Variants in WDPCP observed in about 807,000 individuals in gnomAD.
The protein encoded by WDPCP is WD repeat containing planar cell polarity effector.
In WDPCP, 71 loss-of-function variants were observed where a neutral mutation model predicts 93.1. That is an observed-to-expected ratio of 0.76 (90% confidence interval 0.63 to 0.93). The LOEUF is 0.93. WDPCP is among the 40% of genes least tolerant of loss of function. The probability of loss-of-function intolerance (pLI) is 0.00; values close to 1 mark genes in which losing one functional copy is unlikely to be tolerated. For missense variants in WDPCP, 844 were observed against 887.4 expected (o/e 0.95, Z 0.62); for synonymous variants, 315 against 315.0 (o/e 1.00, Z 0.00).
chr2:63,334,046 A>C (rs967595935), intron 12 of WDPCP, among the ~76,000 whole-genome samples: 3 of 152,188 alleles, frequency 2.0e-5, no homozygotes, highest in Non-Finnish European at 4.4e-5. Context: ...TTTTGAGAAA[A>C]CAAAAAACAC....
rs1669516714 is a variant in WDPCP at position 63,728,194 on chromosome 2, A to G, written n.309-77356T>C. ...AGTTAGAGGAAGATTGTTTAATACA[A>G]GCAGTAGCATTATATTTTTTGGAAA... On this transcript the variant is annotated intron_variant and non_coding_transcript_variant, in intron 2 of 4. Coordinates refer to the WDPCP transcript ENST00000467687. 2.0e-5 allele frequency among the ~76,000 whole-genome samples: 3 copies of G among 152,362 alleles called. No individual in the cohort carries two copies. The South Asian group carries it at 6.2e-4, about 32-fold the overall frequency.
At chr2:63,639,905 G>T (rs1379510310) in intron 3 of WDPCP, among the ~76,000 whole-genome samples, 5 of 152,212 alleles carry the variant, frequency 3.3e-5, no homozygotes, top group Admixed American at 2.6e-4. Context: ...AAACAATACT[G>T]CAGTTTATTG....
At chr2:63,493,135 C>T (rs1364449083) in intron 1 of WDPCP, among the ~76,000 whole-genome samples, 195 bp from the exon 2 acceptor site, 1 of 152,102 alleles carries the variant, frequency 6.6e-6, no homozygotes, top group Non-Finnish European at 1.5e-5. Context: ...GAAAAATACA[C>T]TTCTTTTCCT....
At chr2:63,174,428 T>A (rs555881203) in intron 15 of WDPCP, among the ~76,000 whole-genome samples, 17 of 152,160 alleles carry the variant, frequency 1.1e-4, no homozygotes, top group Non-Finnish European at 2.2e-4. Context: ...CAATTCAATA[T>A]GTTATAGTAA....
chr2:63,535,763 A>C (rs1313520234), intron 1 of WDPCP, among the ~76,000 whole-genome samples: 1 of 152,224 alleles, frequency 6.6e-6, no homozygotes, highest in African/African-American at 2.4e-5. Flanking sequence ...AAAGCCCTAG[A>C]AGAAAACCTA....
At chr2:63,504,065 TAACTGCTG>T (rs1701717988) in intron 1 of WDPCP, among the ~76,000 whole-genome samples, 1 of 152,090 alleles carries the variant, frequency 6.6e-6, no homozygotes, top group Admixed American at 6.6e-5. Context: ...CAAACTCTAG[TAACTGCTG>T]AAAGAAATGG....
upstream of WDPCP, chr2:63,588,883 A>G (rs995836767): frequency 4.5e-6 from 4 of 891,448 alleles, no homozygotes; most frequent in South Asian, 2.9e-5. Context: ...CGCCACAACC[A>G]GGGCAGCGTA....
intron 3 of WDPCP, chr2:63,643,618 T>C: frequency 2.2e-6 from 1 of 446,538 alleles, no homozygotes; most frequent in Admixed American, 2.7e-5. Flanking sequence ...AGTGTGAACA[T>C]CATGAATCAC....
chr2:63,809,770 A>G (rs1367157346), intron 2 of WDPCP, among the ~76,000 whole-genome samples: 1 of 152,092 alleles, frequency 6.6e-6, no homozygotes, highest in African/African-American at 2.4e-5. Context: ...GGACACAAAC[A>G]CTGCGGAAGG....
chr2:63,754,061 C>T (rs1669921186), intron 2 of WDPCP, among the ~76,000 whole-genome samples: 1 of 152,222 alleles, frequency 6.6e-6, no homozygotes, highest in Non-Finnish European at 1.5e-5. Flanking sequence ...CTGGCCCAAA[C>T]CACAGAAGGG....
chr2:63,691,875 TGTG>T (rs1447750723), intron 2 of WDPCP, among the ~76,000 whole-genome samples: 9 of 52,312 alleles, frequency 1.7e-4, no homozygotes, highest in Non-Finnish European at 2.8e-4. Context: ...TACTACAAAG[TGTG>T]TGTGTGTGTG....
intron 14 of WDPCP, among the ~76,000 whole-genome samples, chr2:63,210,930 G>T (rs1307324468): frequency 6.6e-6 from 1 of 152,226 alleles, no homozygotes; most frequent in Non-Finnish European, 1.5e-5. Flanking sequence ...CATTGCTGAG[G>T]CTTGACTAGG....
intron 3 of WDPCP, chr2:63,622,740 C>G (rs1709759771): frequency 1.9e-5 from 30 of 1,613,228 alleles, no homozygotes; most frequent in Non-Finnish European, 2.5e-5. Flanking sequence ...GACATGTTTG[C>G]TATAGGGATT....
intron 2 of WDPCP, among the ~76,000 whole-genome samples, chr2:63,661,692 T>C (rs1328897024): frequency 2.6e-5 from 4 of 152,214 alleles, no homozygotes; most frequent in Admixed American, 2.0e-4. Flanking sequence ...TACACTGACA[T>C]TGTGTTTTGA....
chr2:63,214,251 G>A (rs903497058), intron 14 of WDPCP, among the ~76,000 whole-genome samples: 12 of 152,218 alleles, frequency 7.9e-5, no homozygotes, highest in South Asian at 4.1e-4. Context: ...GAATCCAGCC[G>A]CACATCAAAA....
intron 14 of WDPCP, among the ~76,000 whole-genome samples, chr2:63,257,539 AT>A (rs1239572747): frequency 6.6e-6 from 1 of 152,204 alleles, no homozygotes; most frequent in Admixed American, 6.6e-5. Flanking sequence ...ATTTAATAGT[AT>A]CTTTGTCAAA....
chr2:63,602,612 C>A (rs1709444499), intron 3 of WDPCP, among the ~76,000 whole-genome samples: 1 of 150,116 alleles, frequency 6.7e-6, no homozygotes, highest in Non-Finnish European at 1.5e-5. Context: ...AGTGTAGATT[C>A]CTGTAACTGC....
At chr2:63,565,829 A>T (rs1357932970) in intron 1 of WDPCP, among the ~76,000 whole-genome samples, 1 of 152,112 alleles carries the variant, frequency 6.6e-6, no homozygotes, top group Non-Finnish European at 1.5e-5. Flanking sequence ...ATTAGTCAAA[A>T]CTCTTATCCT....
intron 14 of WDPCP, among the ~76,000 whole-genome samples, chr2:63,192,392 A>T (rs1445120958): frequency 6.6e-6 from 1 of 152,236 alleles, no homozygotes; most frequent in Non-Finnish European, 1.5e-5. Context: ...AAAAAAATGT[A>T]AAGGACAAAG....
Sources: allele counts gnomAD v4.1 joint callset (sites outside exome capture counted in the v4.1 genomes callset), GRCh38; gene constraint gnomAD v4.1.1; transcripts MANE v1.5; gene names NCBI Gene and HGNC (gene_info 2026-07-23, HGNC 2026-07-21).